Variants in UBE2E1 observed in about 807,000 individuals in gnomAD.
UBE2E1 encodes ubiquitin-conjugating enzyme E2 E1.
UBE2E1 carries 6 observed loss-of-function variants against 21.4 expected under a neutral mutation model. That is an observed-to-expected ratio of 0.28 (90% CI 0.15 to 0.55). The LOEUF is 0.55. Among genes scored for constraint, UBE2E1 ranks in the 20% least tolerant of loss-of-function variants. The pLI is 0.93. For missense variants in UBE2E1, 142 were observed against 236.5 expected (o/e 0.60, Z 2.62); for synonymous variants, 87 against 82.7 (o/e 1.05, Z -0.28).
chr3:23,864,479 C>G (rs1700613659), intron 3 of UBE2E1, among the ~76,000 whole-genome samples: 1 of 152,114 alleles, frequency 6.6e-6, no homozygotes. Context: ...AGCCTTTCTT[C>G]TACTTTCTTG....
chr3:23,874,019 G>A (rs1041647638), intron 3 of UBE2E1, among the ~76,000 whole-genome samples: 27 of 152,208 alleles, frequency 1.8e-4, no homozygotes, highest in Non-Finnish European at 4.4e-5. Context: ...ATTGAAGTCT[G>A]TTTCTTGAAC....
rs1013548591 is a variant in UBE2E1, at chr3:23,863,854, T to C, written c.204-23713T>C. On this transcript the variant is annotated intron_variant, in intron 3 of 5. Coordinates refer to ENST00000306627, the MANE Select transcript of UBE2E1 (RefSeq NM_003341.5). The surrounding 1 kb of genome is among the most constrained non-coding windows in gnomAD (Gnocchi z 4.3). ...CTGAATTTTATCTTTTTTGAAGAAA[T>C]CTCTCCCCAGAGCCATCTGACCTCT... 4.6e-5 allele frequency among the ~76,000 whole-genome samples: 7 copies of C among 152,086 alleles called. No individual in the cohort carries two copies. The highest frequency in any genetic ancestry group is 1.4e-4 in the African/African-American group (6 of 41,420).
rs565707706 is a variant in UBE2E1 at position 23,852,922 on chromosome 3, T to G, written c.204-34645T>G. Among the ~76,000 whole-genome samples, 122 of 150,332 alleles carry G rather than the reference T, an allele frequency of 8.1e-4. 1 individual carries two copies. The highest frequency in any genetic ancestry group is 1.4e-3 in the Admixed American group (21 of 15,236). On this transcript the variant is annotated intron_variant, in intron 3 of 5. Coordinates refer to ENST00000306627, the MANE Select transcript of UBE2E1 (RefSeq NM_003341.5). ...GCCCAGCCTTATTTTGTTTTGTTTT[T>G]TTTTTTGTTTTGAGATGGAGTTTCA...
intron 3 of UBE2E1, among the ~76,000 whole-genome samples, chr3:23,834,387 A>G (rs1472741977): frequency 6.6e-6 from 1 of 152,230 alleles, no homozygotes; most frequent in Non-Finnish European, 1.5e-5. Flanking sequence ...TTTCTAAAAT[A>G]TGTCTAATTG....
chr3:23,849,614 T>A (rs1700280775), intron 3 of UBE2E1, among the ~76,000 whole-genome samples: 1 of 152,252 alleles, frequency 6.6e-6, no homozygotes, highest in African/African-American at 2.4e-5. Context: ...AGTGTTTGGT[T>A]TTCTGTTCCT....
Position 23,863,346 on chromosome 3 carries a change from C to T in UBE2E1, c.204-24221C>T, listed in dbSNP as rs573214655. Reference sequence around the variant, plus strand: ...TATTCACATGTGGTTACTTTTCCTTCCTTGCTTGACTACCTCCCTCCCCAA... The same window carrying T: ...TATTCACATGTGGTTACTTTTCCTTTCTTGCTTGACTACCTCCCTCCCCAA... On this transcript the variant is annotated intron_variant, in intron 3 of 5. Coordinates refer to ENST00000306627, the MANE Select transcript of UBE2E1 (RefSeq NM_003341.5). This position sits in a 1 kb window ranked among gnomAD's most constrained non-coding sequence, Gnocchi z 4.3. Among the ~76,000 whole-genome samples the T allele has an allele frequency of 2.0e-4, 31 of 152,098 alleles. No individual in the cohort carries two copies. In the South Asian group the frequency reaches 6.2e-3, roughly 31 times the overall value.
At chr3:23,882,403 C>G (rs561988119) in intron 3 of UBE2E1, among the ~76,000 whole-genome samples, 3 of 152,392 alleles carry the variant, frequency 2.0e-5, no homozygotes, top group South Asian at 4.1e-4. Context: ...GGTACATTTA[C>G]AATCCTCCAG....
Position 23,887,735 on chromosome 3 carries a change from T to A in UBE2E1, c.336+36T>A. 1 of 1,581,096 alleles carries A rather than the reference T, an allele frequency of 6.3e-7. No individual in the cohort carries two copies. The highest frequency in any genetic ancestry group is 8.5e-7 in the Non-Finnish European group (1 of 1,169,698). ...TCCCTGTATGCTCAAATTTACTAAT[T>A]CCCACAAGAGAGCAACTGTTGAGGT... On this transcript the variant is annotated intron_variant, in intron 4 of 5. Transcript: ENST00000306627. This position sits in a 1 kb window ranked among gnomAD's most constrained non-coding sequence, Gnocchi z 4.4.
chr3:23,887,167 C>G lies in UBE2E1; in HGVS notation c.204-400C>G, dbSNP rs937181677. 2.6e-5 allele frequency among the ~76,000 whole-genome samples: 4 copies of G among 152,122 alleles called. No individual in the cohort carries two copies. The highest frequency in any genetic ancestry group is 5.9e-5 in the Non-Finnish European group (4 of 68,024). On this transcript the variant is annotated intron_variant, in intron 3 of 5. Transcript: ENST00000306627. This position sits in a 1 kb window ranked among gnomAD's most constrained non-coding sequence, Gnocchi z 4.4. ...CCAGTTAGTGGGTCAGAAAATGAAA[C>G]TTCTGTGCTTAAAATGGTCATAAGT...
chr3:23,816,934 T>C lies in UBE2E1; in HGVS notation c.203+5424T>C, dbSNP rs1699533856. Among the ~76,000 whole-genome samples, 1 of 152,202 alleles carries C rather than the reference T, an allele frequency of 6.6e-6. No individual in the cohort carries two copies. Among genetic ancestry groups the C allele is most frequent in the Non-Finnish European group, 1.5e-5 (1 of 68,034 alleles). ...AAATAATGGTGATGGTTGCGCAATA[T>C]TGTGAATGTAATTAATGCCACTAAA... is the stretch of plus-strand genomic sequence containing the variant. On this transcript the variant is annotated intron_variant, in intron 3 of 5. Coordinates refer to ENST00000306627, the MANE Select transcript of UBE2E1 (RefSeq NM_003341.5). The surrounding 1 kb of genome is among the most constrained non-coding windows in gnomAD (Gnocchi z 4.8).
intron 3 of UBE2E1, among the ~76,000 whole-genome samples, chr3:23,854,062 A>C (rs1316922307): frequency 6.6e-6 from 1 of 152,134 alleles, no homozygotes; most frequent in Non-Finnish European, 1.5e-5. Flanking sequence ...GTTTGAGACC[A>C]GTCTGGCCAA....
intron 3 of UBE2E1, among the ~76,000 whole-genome samples, chr3:23,884,883 G>A (rs1414125828): frequency 2.0e-5 from 3 of 152,146 alleles, no homozygotes; most frequent in African/African-American, 7.2e-5. Context: ...CTAGATAAAA[G>A]AGCATTCCCC....
At chr3:23,828,212 A>T (rs1699795731) in intron 3 of UBE2E1, among the ~76,000 whole-genome samples, 1 of 152,240 alleles carries the variant, frequency 6.6e-6, no homozygotes, top group Non-Finnish European at 1.5e-5. Context: ...ACAAATTAAA[A>T]TACAGCATTT....
At chr3:23,812,281 G>T (rs1217906724) in intron 3 of UBE2E1, among the ~76,000 whole-genome samples, 1 of 152,122 alleles carries the variant, frequency 6.6e-6, no homozygotes, top group Non-Finnish European at 1.5e-5. Context: ...GGGAGGTCCT[G>T]TAACTCCCAT....
chr3:23,889,697 T>A (rs1472286545), intron 5 of UBE2E1: 1 of 985,256 alleles, frequency 1.0e-6, no homozygotes, highest in African/African-American at 1.7e-5. Context: ...AAATGGTAGT[T>A]GTTAAATACT....
At chr3:23,865,496 A>C (rs1362852055) in intron 3 of UBE2E1, among the ~76,000 whole-genome samples, 2 of 152,172 alleles carry the variant, frequency 1.3e-5, no homozygotes, top group African/African-American at 4.8e-5. Context: ...CTGCGATGAC[A>C]GGTGCATGCC....
At chr3:23,811,536 A>G (rs1699393005) in intron 3 of UBE2E1, 26 bp downstream of exon 3, 4 of 1,609,616 alleles carry the variant, frequency 2.5e-6, no homozygotes, top group East Asian at 2.2e-5. Context: ...GATTTTTTCC[A>G]TTTTTAAAAT....
At chr3:23,856,091 A>T (rs1401029743) in intron 3 of UBE2E1, among the ~76,000 whole-genome samples, 1 of 151,970 alleles carries the variant, frequency 6.6e-6, no homozygotes, top group Non-Finnish European at 1.5e-5. Context: ...CAGTGGCATG[A>T]TCTCGGCTCA....
At chr3:23,822,472 T>C (rs1054813684) in intron 3 of UBE2E1, among the ~76,000 whole-genome samples, 2 of 152,122 alleles carry the variant, frequency 1.3e-5, no homozygotes, top group Non-Finnish European at 2.9e-5. Context: ...GTTTTTTTTT[T>C]CTGATCTCCC....
Sources: gnomAD v4.1 joint callset for allele counts (sites outside exome capture counted in the v4.1 genomes callset) on GRCh38, gnomAD v4.1.1 for gene constraint, Gnocchi (gnomAD v3.1) non-coding constraint, MANE v1.5 for transcripts, NCBI Gene and HGNC (gene_info 2026-07-23, HGNC 2026-07-21) for gene names.